Variants in DYM observed in about 807,000 individuals in gnomAD.
DYM encodes dymeclin, also known as dyggve-Melchior-Clausen syndrome protein.
Under a neutral mutation model 93.1 loss-of-function variants are expected in DYM, and 78 were observed. The ratio of observed to expected loss-of-function variants is 0.84; its 90% CI spans 0.70 to 1.01. The LOEUF (loss-of-function observed/expected upper bound fraction) is 1.01, where lower values mean the gene tolerates loss of function less well. DYM is among the 50% of genes least tolerant of loss of function. DYM has a pLI of 0.00. For missense variants in DYM, 789 were observed against 845.0 expected (o/e 0.93, Z 0.82); for synonymous variants, 321 against 319.7 (o/e 1.00, Z -0.04).
chr18:49,439,447 T>A (rs947477783), intron 1 of DYM, among the ~76,000 whole-genome samples: 2 of 152,194 alleles, frequency 1.3e-5, no homozygotes, highest in African/African-American at 4.8e-5. Flanking sequence ...TGAAATGTTA[T>A]TTTGCTGTAG....
At chr18:49,434,344 C>G (rs2148502022) in intron 1 of DYM, among the ~76,000 whole-genome samples, 1 of 79,930 alleles carries the variant, frequency 1.3e-5, no homozygotes. Flanking sequence ...AAGACTCCAT[C>G]TCAAAAAAAA....
intron 13 of DYM, among the ~76,000 whole-genome samples, chr18:49,219,180 C>T (rs1176429647): frequency 6.6e-6 from 1 of 152,204 alleles, no homozygotes. Context: ...TTCCTCGACA[C>T]ATACACCCTC....
chr18:49,037,938 C>T lies in DYM; in HGVS notation c.*6117G>A, dbSNP rs910364194. Among the ~76,000 whole-genome samples the T allele has an allele frequency of 2.6e-5, 4 of 152,170 alleles. No individual in the cohort carries two copies. Among genetic ancestry groups the T allele is most frequent in the Non-Finnish European group, 4.4e-5 (3 of 68,034 alleles). On this transcript the variant is annotated 3_prime_UTR_variant, in exon 18 of 18. Coordinates refer to ENST00000675505, the MANE Select transcript of DYM (RefSeq NM_001353214.3). ...CTCCTGGGCACAAGTGATTCTCCTGCCTCAGCTTCCCAAGTAGCTGGGGCT... is the reference window on the plus strand; with the variant it reads ...CTCCTGGGCACAAGTGATTCTCCTGTCTCAGCTTCCCAAGTAGCTGGGGCT...
intron 8 of DYM, among the ~76,000 whole-genome samples, chr18:49,310,474 A>G (rs1312353979): frequency 6.6e-6 from 1 of 152,206 alleles, no homozygotes; most frequent in Non-Finnish European, 1.5e-5. Context: ...TACATACCTG[A>G]AGTATGACCT....
chr18:49,265,984 A>G (rs1367470284), intron 11 of DYM, among the ~76,000 whole-genome samples: 1 of 151,904 alleles, frequency 6.6e-6, no homozygotes, highest in Non-Finnish European at 1.5e-5. Context: ...GAAATGTTAT[A>G]AGTTTTGAAT....
chr18:49,302,293 A>G (rs1363519787), intron 8 of DYM, among the ~76,000 whole-genome samples: 1 of 152,254 alleles, frequency 6.6e-6, no homozygotes, highest in Non-Finnish European at 1.5e-5. Flanking sequence ...TTGCAACATT[A>G]AACAATGATA....
At chr18:49,204,115 A>G (rs894954645) in intron 14 of DYM, among the ~76,000 whole-genome samples, 9 of 152,168 alleles carry the variant, frequency 5.9e-5, no homozygotes, top group Non-Finnish European at 1.0e-4. Flanking sequence ...GAGAGGGTCT[A>G]TAATTTTTAA....
chr18:49,144,970 C>T (rs966169248), intron 15 of DYM, among the ~76,000 whole-genome samples: 7 of 150,626 alleles, frequency 4.6e-5, no homozygotes, highest in African/African-American at 1.5e-4. Context: ...CGTGGTGATG[C>T]GTGCCTATAG....
chr18:49,207,387 G>C (rs182331208), intron 14 of DYM, among the ~76,000 whole-genome samples: 1 of 152,196 alleles, frequency 6.6e-6, no homozygotes, highest in Non-Finnish European at 1.5e-5. Context: ...GAACAGATAC[G>C]TGGTAACAAA....
intron 17 of DYM, among the ~76,000 whole-genome samples, chr18:49,054,862 C>G (rs545244704): frequency 5.3e-5 from 8 of 152,272 alleles, no homozygotes; most frequent in Non-Finnish European, 1.0e-4. Flanking sequence ...AAAGACTCTT[C>G]GGGAAAACAT....
chr18:49,328,404 G>A (rs1030837657), intron 8 of DYM, among the ~76,000 whole-genome samples: 2 of 152,048 alleles, frequency 1.3e-5, no homozygotes, highest in African/African-American at 4.8e-5. Flanking sequence ...AGAGAAGTAA[G>A]GAGGACTCCA....
intron 14 of DYM, among the ~76,000 whole-genome samples, chr18:49,201,495 C>T (rs1359239495): frequency 1.3e-5 from 2 of 152,140 alleles, no homozygotes; most frequent in African/African-American, 4.8e-5. Flanking sequence ...GGCTCAAAAG[C>T]ACCAAGTAAA....
intron 15 of DYM, among the ~76,000 whole-genome samples, chr18:49,142,379 C>T (rs913253188): frequency 6.6e-6 from 1 of 152,060 alleles, no homozygotes; most frequent in African/African-American, 2.4e-5. Context: ...GATTCAAATC[C>T]AGATATTTCT....
intron 11 of DYM, among the ~76,000 whole-genome samples, chr18:49,261,659 T>G (rs1224830774): frequency 2.0e-5 from 3 of 152,144 alleles, no homozygotes; most frequent in Non-Finnish European, 4.4e-5. Flanking sequence ...ATAAATTCCA[T>G]AAGTTATATA....
rs185123972 is a variant in DYM at position 49,185,716 on chromosome 18, G to A, written c.1626-21929C>T. The stretch of plus-strand genomic sequence containing the variant: ...ACATGTACTGTGCAAAGTATTTTGC[G>A]TGTACACATGGCCTCGTTTAATCCT... On this transcript the variant is annotated intron_variant, in intron 14 of 17. Transcript: ENST00000675505. Among the ~76,000 whole-genome samples, 103 of 152,314 alleles carry A rather than the reference G, an allele frequency of 6.8e-4. No individual in the cohort carries two copies. The East Asian group carries it at 0.012, about 18-fold the overall frequency.
At chr18:49,198,573 G>C (rs1181726479) in intron 14 of DYM, among the ~76,000 whole-genome samples, 2 of 152,154 alleles carry the variant, frequency 1.3e-5, no homozygotes, top group East Asian at 3.8e-4. Flanking sequence ...TGAAGAACAT[G>C]AACAGACACT....
chr18:49,290,056 G>A (rs2060010055), intron 8 of DYM, among the ~76,000 whole-genome samples: 1 of 150,992 alleles, frequency 6.6e-6, no homozygotes, highest in Non-Finnish European at 1.5e-5. Context: ...ATACTCATGA[G>A]CCCAGCAATT....
intron 17 of DYM, among the ~76,000 whole-genome samples, chr18:49,046,083 C>T (rs1025538363): frequency 8.2e-5 from 12 of 145,638 alleles, no homozygotes; most frequent in East Asian, 2.1e-4. Flanking sequence ...GCTGCATGCG[C>T]GCACACACAC....
At chr18:49,368,338 T>C (rs927011747) in intron 5 of DYM, among the ~76,000 whole-genome samples, 3 of 152,188 alleles carry the variant, frequency 2.0e-5, no homozygotes, top group African/African-American at 7.2e-5. Context: ...CAATCACACC[T>C]ATTATATGAC....
Sources: gnomAD v4.1 joint callset for allele counts (sites outside exome capture counted in the v4.1 genomes callset) on GRCh38, gnomAD v4.1.1 for gene constraint, MANE v1.5 for transcripts, NCBI Gene and HGNC (gene_info 2026-07-23, HGNC 2026-07-21) for gene names.